Variants in USP49 observed in about 807,000 individuals in gnomAD.
The protein encoded by USP49 is ubiquitin carboxyl-terminal hydrolase 49.
A neutral mutation model predicts 58.6 loss-of-function variants in USP49; 24 were observed. That is an observed-to-expected ratio of 0.41 (90% CI 0.30 to 0.58). The LOEUF is 0.58. Among genes scored for constraint, USP49 ranks in the 20% least tolerant of loss-of-function variants. The pLI is 0.30. For synonymous variants in USP49, 408 were observed against 365.1 expected, an observed-to-expected ratio of 1.12 and a Z score of -1.34; for missense variants, 703 against 866.1, an observed-to-expected ratio of 0.81 and a Z score of 2.36.
At chr6:41,799,047 C>T in intron 6 of USP49, 118 bp from the exon 7 acceptor site, 2 of 1,316,332 alleles carry the variant, frequency 1.5e-6, no homozygotes, top group Non-Finnish European at 2.0e-6. Context: ...TTGGTTTTCC[C>T]ATCAATAAAA....
intron 3 of USP49, among the ~76,000 whole-genome samples, chr6:41,830,608 C>T (rs1164815710): frequency 2.6e-5 from 4 of 152,166 alleles, no homozygotes; most frequent in Non-Finnish European, 5.9e-5. Context: ...AGTGGATCAC[C>T]TGAGGTTAAC....
At chr6:41,797,309 A>G (rs2127316045) in intron 7 of USP49, among the ~76,000 whole-genome samples, 1 of 152,250 alleles carries the variant, frequency 6.6e-6, no homozygotes, top group African/African-American at 2.4e-5. Flanking sequence ...TTCATTGTCC[A>G]CTAGGGCCTT....
At chr6:41,816,456 CTG>C (rs780904978) in intron 3 of USP49, among the ~76,000 whole-genome samples, 8 of 152,142 alleles carry the variant, frequency 5.3e-5, no homozygotes, top group Non-Finnish European at 1.2e-4. Context: ...CTTCCTGTGT[CTG>C]TAATTACATC....
intron 3 of USP49, among the ~76,000 whole-genome samples, chr6:41,862,907 A>G (rs2254454): frequency 0.49 from 74,300 of 151,824 alleles, 18,289 homozygotes; most frequent in Middle Eastern, 0.52. Flanking sequence ...CAGAGTAGCT[A>G]GGATTACAGG....
At chr6:41,845,599 C>T (rs182263118) in intron 3 of USP49, among the ~76,000 whole-genome samples, 38 of 151,872 alleles carry the variant, frequency 2.5e-4, no homozygotes, top group African/African-American at 8.7e-4. Context: ...AGTCAGGAGG[C>T]TCATTTGAGC....
At chr6:41,821,017 G>GTAAA (rs1773443840) in intron 3 of USP49, among the ~76,000 whole-genome samples, 3 of 151,818 alleles carry the variant, frequency 2.0e-5, no homozygotes, top group Admixed American at 1.3e-4. Context: ...AAATAAATAA[G>GTAAA]TAAATAAATA....
In USP49 at chr6:41,805,845, G is replaced by T. The variant is rs771475288; in HGVS notation, c.1139C>A (p.Ala380Asp). Reference protein sequence around the residue: ...SGKWALVSPFAMLHSVWSLIP... With the variant: ...SGKWALVSPFDMLHSVWSLIP... ...CAGGCTCCACACTGAGTGGAGCATGGCGAAGGGCGACACTAGGGCCCACTT... is the reference window on the plus strand; with the variant it reads ...CAGGCTCCACACTGAGTGGAGCATGTCGAAGGGCGACACTAGGGCCCACTT... Residue 380 changes from alanine (A) to aspartate (D), a missense_variant, in exon 4 of 8, where the codon GCC (alanine) becomes GAC (aspartate). Around this residue, in one of 6 missense-constraint regions of USP49, gnomAD observed 66 missense variants for 116.0 expected, o/e 0.57. Transcript: ENST00000682992. The T allele has an allele frequency of 6.2e-7, 1 of 1,614,024 alleles. No homozygotes were observed. The highest frequency in any genetic ancestry group is 8.5e-7 in the Non-Finnish European group (1 of 1,180,024).
chr6:41,895,189 CCCCGCCT>C (rs2127368911), intron 1 of USP49, 128 bp downstream of exon 1: 1 of 152,338 alleles, frequency 6.6e-6, no homozygotes, highest in Admixed American at 6.5e-5. Flanking sequence ...AGACTCCTAT[CCCCGCCT>C]CCGAGTCTTA....
intron 3 of USP49, among the ~76,000 whole-genome samples, chr6:41,829,169 T>C (rs1292228700): frequency 1.3e-5 from 2 of 152,198 alleles, no homozygotes; most frequent in Non-Finnish European, 2.9e-5. Flanking sequence ...GGTTTAATCA[T>C]ATGAAACTGC....
chr6:41,863,881 T>C (rs1774265633), intron 3 of USP49, among the ~76,000 whole-genome samples: 1 of 152,012 alleles, frequency 6.6e-6, no homozygotes, highest in Non-Finnish European at 1.5e-5. Context: ...CCTCAGCCCT[T>C]GGAACAGCTG....
Position 41,809,754 on chromosome 6 carries a change from G to A in USP49, c.-28-2743C>T, listed in dbSNP as rs1773212982. ...AGGCAGGAGAATGGCGTGAACCCGG[G>A]AGGTGGAACTTGCAGTGAGCCGAGA... On this transcript the variant is annotated intron_variant, in intron 3 of 7. Coordinates refer to ENST00000682992, the MANE Select transcript of USP49 (RefSeq NM_001286554.2). 2.0e-5 allele frequency among the ~76,000 whole-genome samples: 3 copies of A among 152,072 alleles called. No homozygotes were observed. In the South Asian group the frequency reaches 6.2e-4, roughly 31 times the overall value.
intron 1 of USP49, among the ~76,000 whole-genome samples, chr6:41,893,370 T>C (rs1205754227): frequency 6.6e-6 from 1 of 152,186 alleles, no homozygotes; most frequent in Non-Finnish European, 1.5e-5. Flanking sequence ...TATCTGCCTT[T>C]CTCTGAAATG....
chr6:41,874,643 G>T (rs1019957909), intron 2 of USP49, among the ~76,000 whole-genome samples: 5 of 152,158 alleles, frequency 3.3e-5, no homozygotes, highest in African/African-American at 1.2e-4. Flanking sequence ...GCAAGGCAAG[G>T]ATTCAAACCC....
In USP49 at chr6:41,831,345, G is replaced by C. The variant is rs188599729; in HGVS notation, c.-28-24334C>G. ...GTGGAGGTTGCAGTGAGCCGAGATT[G>C]TGCCGCTGCACTCCAGCCTGGGCAA... is the stretch of plus-strand genomic sequence containing the variant. On this transcript the variant is annotated intron_variant, in intron 3 of 7. Transcript: ENST00000682992. Among the ~76,000 whole-genome samples the C allele has an allele frequency of 6.2e-3, 936 of 152,074 alleles. 8 individuals are homozygous for C. Among genetic ancestry groups the C allele is most frequent in the African/African-American group, 0.02 (817 of 41,464 alleles).
chr6:41,834,471 T>C (rs992920494), intron 3 of USP49, among the ~76,000 whole-genome samples: 5 of 152,226 alleles, frequency 3.3e-5, no homozygotes, highest in African/African-American at 4.8e-5. Context: ...TTTGGATCTG[T>C]GTCCCCACCA....
chr6:41,806,577 T>C lies in USP49; in HGVS notation c.407A>G (p.Gln136Arg). 3 of 1,604,706 alleles carry C rather than the reference T, an allele frequency of 1.9e-6. No homozygotes were observed. The highest frequency in any genetic ancestry group is 1.1e-5 in the South Asian group (1 of 90,868). The change falls in exon 4 of 8, where the codon CAG becomes CGG. Residue 136 changes from glutamine to arginine, a missense_variant. Around this residue, in one of 6 missense-constraint regions of USP49, gnomAD observed 376 missense variants for 373.5 expected, o/e 1.01. Transcript: ENST00000682992. The surrounding 1 kb of genome is among the most constrained non-coding windows in gnomAD (Gnocchi z 5.9). ...CCACAGAGCCGTGAGCATCTGCGGC[T>C]GTCCCTGAGGAGCGCGCTGCGGCAG... ...VVLPQRAPQG[Q>R]PQMLTALWYR...
At chr6:41,813,226 A>G (rs1010088600) in intron 3 of USP49, among the ~76,000 whole-genome samples, 5 of 152,192 alleles carry the variant, frequency 3.3e-5, no homozygotes, top group Non-Finnish European at 7.3e-5. Context: ...CGAAAGATTC[A>G]GTACTAGCTA....
chr6:41,877,148 G>T (rs995299130), intron 2 of USP49, among the ~76,000 whole-genome samples: 4 of 152,290 alleles, frequency 2.6e-5, no homozygotes, highest in Non-Finnish European at 5.9e-5. Flanking sequence ...TTTGCCATGG[G>T]TTTTGTCCAT....
intron 2 of USP49, among the ~76,000 whole-genome samples, chr6:41,872,070 T>C (rs181917585): frequency 5.7e-4 from 87 of 152,378 alleles, no homozygotes; most frequent in South Asian, 1.0e-3. Context: ...GACTCTTTTG[T>C]GCTAAGTGGG....
Sources: allele counts gnomAD v4.1 joint callset (sites outside exome capture counted in the v4.1 genomes callset), GRCh38; gene constraint gnomAD v4.1.1; regional missense constraint gnomAD v4.1.1; non-coding constraint Gnocchi (gnomAD v3.1); transcripts MANE v1.5; gene names NCBI Gene and HGNC (gene_info 2026-07-23, HGNC 2026-07-21).